Variants in MYLIP observed in about 807,000 individuals in gnomAD.
MYLIP encodes E3 ubiquitin-protein ligase MYLIP.
MYLIP carries 26 observed loss-of-function variants against 45.8 expected under a neutral mutation model. The observed-to-expected ratio is 0.57, with a 90% CI of 0.42 to 0.79. The LOEUF is 0.79. Among genes scored for constraint, MYLIP ranks in the 30% least tolerant of loss-of-function variants. The pLI is 0.00. For missense variants in MYLIP, 494 were observed against 555.6 expected, an observed-to-expected ratio of 0.89 and a Z score of 1.11; for synonymous variants, 213 against 218.1, an observed-to-expected ratio of 0.98 and a Z score of 0.21.
At chr6:16,159,484 G>T in the MYLIP span, among the ~76,000 whole-genome samples, 1 of 152,192 alleles carries the variant, frequency 6.6e-6, no homozygotes, top group South Asian at 2.1e-4. Flanking sequence ...GTTTGGAAAA[G>T]TTAGCTAACT....
chr6:16,142,060 A>C (rs898431591), intron 3 of MYLIP, among the ~76,000 whole-genome samples: 11 of 152,362 alleles, frequency 7.2e-5, no homozygotes, highest in Non-Finnish European at 1.3e-4. Flanking sequence ...AAGAATGGCC[A>C]TCAGGACAGA....
the MYLIP span, among the ~76,000 whole-genome samples, chr6:16,158,704 C>T: frequency 3.9e-5 from 6 of 152,178 alleles, no homozygotes; most frequent in South Asian, 1.2e-3. Context: ...CCCGTCTCTA[C>T]TAAAAAATAC....
At chr6:16,132,750 A>G (rs1032278448) in intron 2 of MYLIP, among the ~76,000 whole-genome samples, 5 of 152,238 alleles carry the variant, frequency 3.3e-5, no homozygotes, top group South Asian at 2.1e-4. Flanking sequence ...AAAAATATGT[A>G]TGTTTACAAA....
Position 16,140,065 on chromosome 6 carries a change from A to G in MYLIP, c.279-1560A>G, listed in dbSNP as rs183409081. Reference sequence around the variant, plus strand: ...TCCTTAGTCGATTCTTACCTTGCTCATGTTCCTCTACCTGGAATGTCAGAC... The same window carrying G: ...TCCTTAGTCGATTCTTACCTTGCTCGTGTTCCTCTACCTGGAATGTCAGAC... On this transcript the variant is annotated intron_variant, in intron 2 of 6. Transcript: ENST00000356840. 3.0e-3 allele frequency among the ~76,000 whole-genome samples: 450 copies of G among 152,322 alleles called. 2 individuals carry two copies. Among genetic ancestry groups the G allele is most frequent in the Non-Finnish European group, 5.2e-3 (351 of 68,024 alleles).
Position 16,146,710 on chromosome 6 carries a change from C to G in MYLIP, c.1297C>G (p.Leu433Val). Residue 433 changes from leucine to valine, a missense_variant, in exon 7 of 7, where the codon CTG (leucine) becomes GTG (valine). Coordinates refer to ENST00000356840, the MANE Select transcript of MYLIP (RefSeq NM_013262.4). ...SRVEHVQHVY[L>V]PTHTSLLNLT... ...TGTGGAGCATGTCCAGCACGTCTAT[C>G]TGCCAACGCACACCAGTCTTCTCAA... 6.2e-7 allele frequency: 1 copy of G among 1,611,998 alleles called. No homozygotes were observed. The highest frequency in any genetic ancestry group is 8.5e-7 in the Non-Finnish European group (1 of 1,178,848).
chr6:16,145,083 C>T lies in MYLIP; in HGVS notation c.1014C>T (p.Leu338=), dbSNP rs184891518. The change falls in exon 6 of 7, where the codon CTC becomes CTT. Residue 338 remains leucine, a synonymous_variant. Transcript: ENST00000356840. ...RALYNAGVVD[L]VSRNNQSPSH... is the part of the protein sequence containing the mutation. Reference sequence around the variant, plus strand: ...TGTACAATGCTGGCGTTGTGGACCTCGTTTCAAGAAACAACCAGAGCCCTT... The same window carrying T: ...TGTACAATGCTGGCGTTGTGGACCTTGTTTCAAGAAACAACCAGAGCCCTT... 133 of 1,614,198 alleles carry T rather than the reference C, an allele frequency of 8.2e-5. No homozygotes were observed. In the Admixed American group the frequency reaches 9.8e-4, roughly 12 times the overall value.
intron 2 of MYLIP, among the ~76,000 whole-genome samples, chr6:16,134,880 T>C (rs1353001597): frequency 6.6e-6 from 1 of 152,136 alleles, no homozygotes; most frequent in Non-Finnish European, 1.5e-5. Context: ...TGGGTATCTT[T>C]AGGCCCTTTT....
the MYLIP span, among the ~76,000 whole-genome samples, chr6:16,159,974 C>G: frequency 6.6e-6 from 1 of 152,192 alleles, no homozygotes; most frequent in East Asian, 1.9e-4. Flanking sequence ...CTCCCTTCTT[C>G]AAACCCTGAC....
chr6:16,137,066 TG>T (rs1759571403), intron 2 of MYLIP, among the ~76,000 whole-genome samples: 1 of 152,234 alleles, frequency 6.6e-6, no homozygotes, highest in African/African-American at 2.4e-5. Flanking sequence ...TTGTGGTTTT[TG>T]CTATGTCCTG....
At chr6:16,158,308 CAG>C in the MYLIP span, among the ~76,000 whole-genome samples, 1 of 152,230 alleles carries the variant, frequency 6.6e-6, no homozygotes, top group Non-Finnish European at 1.5e-5. Flanking sequence ...TCCGAAAAGA[CAG>C]ATATTTTTCT....
rs145057345 is a variant in MYLIP, at chr6:16,145,205, G to A, written c.1136G>A (p.Arg379His). 1.2e-5 allele frequency: 20 copies of A among 1,614,098 alleles called. No homozygotes were observed. The highest frequency in any genetic ancestry group is 5.3e-5 in the African/African-American group (4 of 75,034). Residue 379 changes from arginine to histidine, a missense_variant, in exon 6 of 7, where the codon CGC (arginine) becomes CAC (histidine). Transcript: ENST00000356840. Reference sequence around the variant, plus strand: ...ACCCGGGTGCTGCAGGAGAAGCTACGCAAGCTGAAGGAAGCCATGCTGTGC... The same window carrying A: ...ACCCGGGTGCTGCAGGAGAAGCTACACAAGCTGAAGGAAGCCATGCTGTGC... ...QQTRVLQEKL[R>H]KLKEAMLCMV... is the part of the protein sequence containing the mutation.
chr6:16,144,493 C>T (rs1165363190), intron 5 of MYLIP, among the ~76,000 whole-genome samples: 1 of 152,146 alleles, frequency 6.6e-6, no homozygotes, highest in East Asian at 1.9e-4. Context: ...AAATTTAAGT[C>T]GTAGACAACT....
rs1310509033 is a variant in MYLIP at position 16,129,760 on chromosome 6, G to A, written c.87+351G>A. ...AGGTATGTGCGTGATGCCGCCTGTC[G>A]GGTCCCCGCGGCGCCTGGCAGTGCC... On this transcript the variant is annotated intron_variant, in intron 1 of 6. Coordinates refer to ENST00000356840, the MANE Select transcript of MYLIP (RefSeq NM_013262.4). This position sits in a 1 kb window ranked among gnomAD's most constrained non-coding sequence, Gnocchi z 5.1. Among the ~76,000 whole-genome samples, 1 of 152,180 alleles carries A rather than the reference G, an allele frequency of 6.6e-6. No homozygotes were observed. The highest frequency in any genetic ancestry group is 2.4e-5 in the African/African-American group (1 of 41,452).
chr6:16,150,494 T>A (rs749611092), downstream of MYLIP, among the ~76,000 whole-genome samples: 1 of 152,062 alleles, frequency 6.6e-6, no homozygotes, highest in Non-Finnish European at 1.5e-5. Flanking sequence ...GTTTTGACTT[T>A]GGGTTTTAAA....
downstream of MYLIP, among the ~76,000 whole-genome samples, chr6:16,152,341 C>G (rs756197629): frequency 6.6e-6 from 1 of 152,158 alleles, no homozygotes; most frequent in Non-Finnish European, 1.5e-5. Context: ...TAGAATATAT[C>G]AGGCTCTCCG....
the MYLIP span, among the ~76,000 whole-genome samples, chr6:16,158,151 T>C: frequency 6.6e-6 from 1 of 152,208 alleles, no homozygotes; most frequent in Non-Finnish European, 1.5e-5. Flanking sequence ...GTTTGAATCG[T>C]TGCCAACAGG....
intron 2 of MYLIP, among the ~76,000 whole-genome samples, chr6:16,138,864 G>A (rs531494844): frequency 6.6e-6 from 1 of 152,316 alleles, no homozygotes; most frequent in African/African-American, 2.4e-5. Flanking sequence ...AGAATGTGGA[G>A]TATGTCGAAA....
At position 16,147,031 on chromosome 6, in the gene MYLIP, A is replaced by C. The variant is rs1581610300; in HGVS notation, c.*280A>C. Reference sequence around the variant, plus strand: ...TTATGATCTAGTAAAGGAATAGGTAAAGTCTTTGATGTCAGTGAAGTGGCA... The same window carrying C: ...TTATGATCTAGTAAAGGAATAGGTACAGTCTTTGATGTCAGTGAAGTGGCA... On this transcript the variant is annotated 3_prime_UTR_variant, in exon 7 of 7. Transcript: ENST00000356840. The C allele has an allele frequency of 7.3e-6, 2 of 273,338 alleles. No homozygotes were observed. Among genetic ancestry groups the C allele is most frequent in the Non-Finnish European group, 1.4e-5 (2 of 138,954 alleles). 16.9% of individuals were successfully genotyped at this position (273,338 alleles called of 1,614,324 possible). A position where few individuals can be genotyped will look rare whatever the true frequency, so the allele number is the denominator to read the frequency against.
intron 4 of MYLIP, 44 bp from the exon 5 acceptor site, chr6:16,143,655 T>C (rs1759724471): frequency 6.3e-7 from 1 of 1,599,824 alleles, no homozygotes; most frequent in African/African-American, 1.3e-5. Context: ...TGGTGAAGAA[T>C]CACTCCTTCT....
Sources: allele counts gnomAD v4.1 joint callset (sites outside exome capture counted in the v4.1 genomes callset), GRCh38; gene constraint gnomAD v4.1.1; non-coding constraint Gnocchi (gnomAD v3.1); transcripts MANE v1.5; gene names NCBI Gene and HGNC (gene_info 2026-07-23, HGNC 2026-07-21).